The following HECW1 variants were observed in gnomAD, a reference collection of about 807,000 sequenced individuals.
HECW1 encodes the protein E3 ubiquitin-protein ligase HECW1.
Under a neutral mutation model 182.3 loss-of-function variants are expected in HECW1, and 61 were observed. The ratio of observed to expected loss-of-function variants is 0.33; its 90% confidence interval spans 0.27 to 0.41. The LOEUF (loss-of-function observed/expected upper bound fraction) is 0.41. HECW1 is among the 10% of genes least tolerant of loss of function. The pLI is 1.00. For missense variants in HECW1, 1,739 were observed against 2,108.9 expected (o/e 0.82, Z 3.44); for synonymous variants, 859 against 832.6 (o/e 1.03, Z -0.55).
intron 6 of HECW1, among the ~76,000 whole-genome samples, chr7:43,364,225 A>G (rs1255332482): frequency 6.6e-6 from 1 of 152,158 alleles, no homozygotes. Context: ...TTTTCTGAGC[A>G]TTGTATGGTC....
At chr7:43,480,646 T>C (rs1483574954) in intron 17 of HECW1, among the ~76,000 whole-genome samples, 12 of 138,502 alleles carry the variant, frequency 8.7e-5, no homozygotes, top group Non-Finnish European at 3.1e-5. Context: ...TGTACATATG[T>C]GTGTGTGTGT....
chr7:43,432,079 C>T lies in HECW1; in HGVS notation c.802-5924C>T, dbSNP rs1015725766. Among the ~76,000 whole-genome samples, 5 of 152,246 alleles carry T rather than the reference C, an allele frequency of 3.3e-5. No homozygotes were observed. Among genetic ancestry groups the T allele is most frequent in the Middle Eastern group, 3.4e-3 (1 of 292 alleles). ...TCTTAACCTTGTGATCTACCCACCT[C>T]GGCCTTCCAAAGTGCTGGGATTACA... On this transcript the variant is annotated intron_variant, in intron 8 of 29. Transcript: ENST00000395891. This position sits in a 1 kb window ranked among gnomAD's most constrained non-coding sequence, Gnocchi z 4.1.
intron 4 of HECW1, among the ~76,000 whole-genome samples, chr7:43,318,905 C>T (rs955234446): frequency 2.6e-5 from 4 of 152,216 alleles, no homozygotes; most frequent in Non-Finnish European, 5.9e-5. Context: ...TCAGATCCAC[C>T]TAGCTCAGAT....
chr7:43,201,510 G>T (rs997764229), intron 2 of HECW1, among the ~76,000 whole-genome samples: 3 of 152,074 alleles, frequency 2.0e-5, no homozygotes, highest in South Asian at 2.1e-4. Context: ...ATATTTTTAG[G>T]GTAATTATGA....
intron 17 of HECW1, among the ~76,000 whole-genome samples, chr7:43,481,287 T>G (rs1223901376): frequency 2.6e-5 from 4 of 152,228 alleles, no homozygotes; most frequent in African/African-American, 9.6e-5. Flanking sequence ...TTATAGGGAA[T>G]AAATTCAAAA....
At chr7:43,287,344 T>G (rs1247886794) in intron 3 of HECW1, among the ~76,000 whole-genome samples, 2 of 149,682 alleles carry the variant, frequency 1.3e-5, no homozygotes, top group Non-Finnish European at 3.0e-5. Context: ...GCAGTGGGAG[T>G]AGGGAGTGCA....
intron 3 of HECW1, among the ~76,000 whole-genome samples, chr7:43,285,411 C>A (rs923106367): frequency 6.6e-6 from 1 of 152,204 alleles, no homozygotes; most frequent in Non-Finnish European, 1.5e-5. Context: ...GAAATCAAAA[C>A]TCAGCCTGCA....
chr7:43,208,001 T>G (rs1288743557), intron 2 of HECW1: 1 of 152,234 alleles, frequency 6.6e-6, no homozygotes, highest in Non-Finnish European at 1.5e-5. Flanking sequence ...TGATGTTACC[T>G]CAATTAGAAA....
intron 19 of HECW1, among the ~76,000 whole-genome samples, chr7:43,496,798 G>C (rs892938825): frequency 1.3e-5 from 2 of 152,208 alleles, no homozygotes; most frequent in Non-Finnish European, 2.9e-5. Context: ...GCCACATGTA[G>C]AGAAGGGGAT....
At chr7:43,426,381 CA>C (rs1396123735) in intron 8 of HECW1, among the ~76,000 whole-genome samples, 1 of 152,044 alleles carries the variant, frequency 6.6e-6, no homozygotes, top group Non-Finnish European at 1.5e-5. Context: ...AGGTGAATGT[CA>C]AAAGTCTTGC....
Position 43,479,707 on chromosome 7 carries a change from A to G in HECW1, c.3197A>G (p.Gln1066Arg). The G allele has an allele frequency of 1.2e-6, 2 of 1,614,064 alleles. No homozygotes were observed. The highest frequency in any genetic ancestry group is 1.7e-6 in the Non-Finnish European group (2 of 1,180,006). The change falls in exon 17 of 30, where the codon CAG (glutamine) becomes CGG (arginine). Residue 1066 changes from glutamine to arginine, a missense_variant. Gln to Arg is a conservative substitution (Grantham distance 43). Around this residue, in one of 5 missense-constraint regions of HECW1, gnomAD observed 971 missense variants for 1,029.1 expected, o/e 0.94. Transcript: ENST00000395891. ...CTTCCCAATCATCTAACTCACCGAC[A>G]GCACCTCCAGAGGCTCCGAAGTTAC... Reference protein sequence around the residue: ...GRLPNHLTHRQHLQRLRSYSA... With the variant: ...GRLPNHLTHRRHLQRLRSYSA...
intron 2 of HECW1, among the ~76,000 whole-genome samples, chr7:43,201,691 T>A (rs1200172080): frequency 2.6e-5 from 4 of 152,218 alleles, no homozygotes; most frequent in African/African-American, 9.6e-5. Context: ...TCTCCTAGAC[T>A]CTAGACTAGG....
chr7:43,274,274 T>C, intron 3 of HECW1: 1 of 1,009,932 alleles, frequency 9.9e-7, no homozygotes, highest in African/African-American at 1.6e-5. Flanking sequence ...AATCATGTCG[T>C]CGCCAAGTCC....
chr7:43,229,770 A>G (rs895996647), intron 2 of HECW1, among the ~76,000 whole-genome samples: 20 of 152,252 alleles, frequency 1.3e-4, no homozygotes, highest in Admixed American at 1.2e-3. Flanking sequence ...GTGTCTCTCC[A>G]CAAGATACTC....
chr7:43,238,112 T>C (rs1020501378), intron 2 of HECW1, among the ~76,000 whole-genome samples: 2 of 152,046 alleles, frequency 1.3e-5, no homozygotes, highest in Non-Finnish European at 2.9e-5. Context: ...TGTTGTGGAG[T>C]TATTCAAGGA....
chr7:43,316,785 CTCCTCTCCTCTCCTCTCCCG>C (rs1809359062), intron 4 of HECW1, among the ~76,000 whole-genome samples: 2 of 113,140 alleles, frequency 1.8e-5, no homozygotes, highest in East Asian at 2.8e-4. Context: ...CTCCCCTCCC[CTCCTCTCCTCTCCTCTCCCG>C]TCCCGTCTCC....
chr7:43,390,835 T>G (rs1451881516), intron 6 of HECW1, among the ~76,000 whole-genome samples: 1 of 152,118 alleles, frequency 6.6e-6, no homozygotes, highest in African/African-American at 2.4e-5. Flanking sequence ...TAAAAGCTGA[T>G]TGAGCCAGTG....
intron 3 of HECW1, among the ~76,000 whole-genome samples, chr7:43,296,879 C>T (rs867130373): frequency 5.8e-4 from 89 of 152,314 alleles, no homozygotes; most frequent in African/African-American, 2.0e-3. Context: ...CTTCAAGGCA[C>T]TTAACATGCA....
rs545164807 is a variant in HECW1 at position 43,492,778 on chromosome 7, T to C, written c.3341-306T>C. ...AAGGAAGAGAGGAGAACTCCTCTTA[T>C]GGGAGAGCTATTTTGTTCTCCTTTA... On this transcript the variant is annotated intron_variant, in intron 18 of 29. Transcript: ENST00000395891. Among the ~76,000 whole-genome samples the C allele has an allele frequency of 2.3e-4, 35 of 152,356 alleles. No homozygotes were observed. The South Asian group carries it at 3.5e-3, about 15-fold the overall frequency.
Sources: allele counts gnomAD v4.1 joint callset (sites outside exome capture counted in the v4.1 genomes callset), GRCh38; gene constraint gnomAD v4.1.1; regional missense constraint gnomAD v4.1.1; non-coding constraint Gnocchi (gnomAD v3.1); transcripts MANE v1.5; gene names NCBI Gene and HGNC (gene_info 2026-07-23, HGNC 2026-07-21).